The following NRXN3 variants were observed in gnomAD, a reference collection of about 807,000 sequenced individuals.
NRXN3 encodes neurexin III.
A neutral mutation model predicts 137.6 loss-of-function variants in NRXN3; 32 were observed. The observed-to-expected ratio is 0.23, with a 90% CI of 0.18 to 0.31. The LOEUF (loss-of-function observed/expected upper bound fraction) is 0.31, where lower values mean the gene tolerates loss of function less well. Ranked by LOEUF, NRXN3 falls within the 10% of genes least tolerant of loss-of-function variation. The pLI is 1.00. For synonymous variants in NRXN3, 798 were observed against 784.5 expected (o/e 1.02, Z -0.29); for missense variants, 1,574 against 2,062.5 (o/e 0.76, Z 4.59).
At position 79,713,584 on chromosome 14, in the gene NRXN3, C is replaced by CAT. The variant is rs566107570; in HGVS notation, c.4014+15657_4014+15658dup. On this transcript the variant is annotated intron_variant, in intron 19 of 20. Coordinates refer to ENST00000335750, the MANE Select transcript of NRXN3 (RefSeq NM_001330195.2). ...TGTAGTGATAGCTAGTTTATATATA[C>CAT]ATATATATATACATACATATACATA... 3.3e-3 allele frequency among the ~76,000 whole-genome samples: 381 copies of CAT among 115,722 alleles called. 4 individuals carry two copies. The highest frequency in any genetic ancestry group is 0.01 in the African/African-American group (342 of 33,502). 75.9% of individuals were successfully genotyped at this position (115,722 alleles called of 152,430 possible). A position where few individuals can be genotyped will look rare whatever the true frequency, so the allele number is the denominator to read the frequency against.
At chr14:79,640,908 A>G (rs1156714545) in intron 16 of NRXN3, among the ~76,000 whole-genome samples, 3 of 136,024 alleles carry the variant, frequency 2.2e-5, no homozygotes, top group African/African-American at 7.3e-5. Context: ...AGAGAACACT[A>G]CCAGGGGCTT....
chr14:78,276,998 C>A (rs568657558), intron 2 of NRXN3, among the ~76,000 whole-genome samples: 3 of 152,306 alleles, frequency 2.0e-5, no homozygotes, highest in African/African-American at 7.2e-5. Context: ...CTAAATCTAA[C>A]ACACTAGAAA....
intron 15 of NRXN3, among the ~76,000 whole-genome samples, chr14:79,385,926 A>G (rs757494674): frequency 1.3e-5 from 2 of 152,166 alleles, no homozygotes; most frequent in Non-Finnish European, 2.9e-5. Context: ...TAAAAACTCA[A>G]TAAATTAGGT....
chr14:79,661,344 C>G (rs754596221), intron 16 of NRXN3, among the ~76,000 whole-genome samples: 34 of 152,258 alleles, frequency 2.2e-4, no homozygotes, highest in Admixed American at 3.9e-4. Flanking sequence ...GAGGTCCACC[C>G]TGTATCTCTG....
intron 15 of NRXN3, among the ~76,000 whole-genome samples, chr14:79,420,256 C>T (rs566818779): frequency 1.3e-5 from 2 of 152,160 alleles, no homozygotes; most frequent in African/African-American, 4.8e-5. Flanking sequence ...AACTGAGGTA[C>T]ACAGTGAAGT....
intron 4 of NRXN3, among the ~76,000 whole-genome samples, chr14:78,325,982 T>C (rs959813525): frequency 6.6e-6 from 1 of 152,194 alleles, no homozygotes; most frequent in Admixed American, 6.5e-5. Context: ...TGTATACTTT[T>C]AGCACTGAAA....
intron 10 of NRXN3, among the ~76,000 whole-genome samples, chr14:78,919,984 A>G (rs1245757132): frequency 6.6e-6 from 1 of 152,264 alleles, no homozygotes; most frequent in East Asian, 1.9e-4. Flanking sequence ...TATTTGTAGC[A>G]TAGCATTCTA....
At chr14:79,711,258 T>C (rs1312078930) in intron 19 of NRXN3, among the ~76,000 whole-genome samples, 1 of 152,150 alleles carries the variant, frequency 6.6e-6, no homozygotes, top group Non-Finnish European at 1.5e-5. Flanking sequence ...ATCTCAGAGA[T>C]TGAGCCCCAC....
At chr14:78,877,237 G>C (rs2099115966) in intron 10 of NRXN3, among the ~76,000 whole-genome samples, 2 of 152,108 alleles carry the variant, frequency 1.3e-5, no homozygotes, top group Admixed American at 1.3e-4. Flanking sequence ...ATTCCACTGG[G>C]GTGCTATGAG....
intron 10 of NRXN3, among the ~76,000 whole-genome samples, chr14:78,893,184 G>A (rs544218112): frequency 4.2e-4 from 64 of 151,954 alleles, no homozygotes; most frequent in East Asian, 3.9e-4. Flanking sequence ...CACACCCTGC[G>A]CAAGCTCATT....
rs111978594 is a variant in NRXN3 at position 78,230,193 on chromosome 14, T to C, written c.-703-12198T>C. On this transcript the variant is annotated intron_variant, in intron 1 of 20. Coordinates refer to ENST00000335750, the MANE Select transcript of NRXN3 (RefSeq NM_001330195.2). ...GCATGAGCCACCACACCTGACTAAT[T>C]TTTGTATTTTTAGTAGAGACAAGGT... is the stretch of plus-strand genomic sequence containing the variant. Among the ~76,000 whole-genome samples, 949 of 151,892 alleles carry C rather than the reference T, an allele frequency of 6.2e-3. 9 individuals carry two copies. The highest frequency in any genetic ancestry group is 0.021 in the African/African-American group (868 of 41,412).
At chr14:78,346,865 C>T (rs1226351121) in intron 4 of NRXN3, among the ~76,000 whole-genome samples, 1 of 152,154 alleles carries the variant, frequency 6.6e-6, no homozygotes, top group African/African-American at 2.4e-5. Context: ...GGCATGTGGG[C>T]AGAGGCTTGT....
At chr14:78,576,357 T>C (rs1305399635) in intron 4 of NRXN3, among the ~76,000 whole-genome samples, 1 of 152,182 alleles carries the variant, frequency 6.6e-6, no homozygotes, top group Non-Finnish European at 1.5e-5. Flanking sequence ...CTGAGGGCTT[T>C]TTCCTTAATT....
At chr14:78,881,724 A>C (rs1349049969) in intron 10 of NRXN3, among the ~76,000 whole-genome samples, 1 of 151,822 alleles carries the variant, frequency 6.6e-6, no homozygotes, top group Non-Finnish European at 1.5e-5. Flanking sequence ...TGAGAAGCAG[A>C]GCATAAAAGT....
intron 4 of NRXN3, among the ~76,000 whole-genome samples, chr14:78,561,039 C>T (rs2096781781): frequency 6.6e-6 from 1 of 152,154 alleles, no homozygotes; most frequent in Non-Finnish European, 1.5e-5. Context: ...CTTAGAACAG[C>T]ATAGCTTTAC....
chr14:79,669,644 C>A (rs1486690291), intron 17 of NRXN3, among the ~76,000 whole-genome samples: 3 of 152,080 alleles, frequency 2.0e-5, no homozygotes, highest in African/African-American at 7.2e-5. Context: ...AATTGAGAAT[C>A]CCCTGGGAAG....
At chr14:78,990,301 A>C (rs532690828) in intron 15 of NRXN3, among the ~76,000 whole-genome samples, 54 of 151,086 alleles carry the variant, frequency 3.6e-4, no homozygotes, top group Admixed American at 7.9e-4. Flanking sequence ...TGGAGATTGG[A>C]CCACGGCTTC....
chr14:79,427,984 C>CGTAT (rs1555441991), intron 15 of NRXN3, among the ~76,000 whole-genome samples: 58 of 151,916 alleles, frequency 3.8e-4, no homozygotes, highest in African/African-American at 1.4e-3. Context: ...ACGTTCTGCA[C>CGTAT]GTGTGTGTGT....
intron 17 of NRXN3, among the ~76,000 whole-genome samples, chr14:79,689,473 C>T (rs908352295): frequency 2.6e-5 from 4 of 152,132 alleles, no homozygotes; most frequent in Admixed American, 2.6e-4. Context: ...AATGTTAATG[C>T]GGCAACTTAA....
Sources: gnomAD v4.1 joint callset for allele counts (sites outside exome capture counted in the v4.1 genomes callset) on GRCh38, gnomAD v4.1.1 for gene constraint, MANE v1.5 for transcripts, NCBI Gene and HGNC (gene_info 2026-07-23, HGNC 2026-07-21) for gene names.